The following HMGCS2 variants were observed in gnomAD, a reference collection of about 807,000 sequenced individuals.
HMGCS2 encodes hydroxymethylglutaryl-CoA synthase, mitochondrial.
Under a neutral mutation model 57.4 loss-of-function variants are expected in HMGCS2, and 50 were observed. That is an observed-to-expected ratio of 0.87 (90% CI 0.69 to 1.10). The LOEUF is 1.10. Among genes scored for constraint, HMGCS2 ranks in the 50% least tolerant of loss-of-function variants. HMGCS2 has a pLI of 0.00. For missense variants in HMGCS2, 627 were observed against 636.5 expected (o/e 0.99, Z 0.16); for synonymous variants, 254 against 245.1 (o/e 1.04, Z -0.34).
intron 4 of HMGCS2, among the ~76,000 whole-genome samples, chr1:119,758,431 T>G (rs905759106): frequency 6.6e-6 from 1 of 151,874 alleles, no homozygotes; most frequent in Non-Finnish European, 1.5e-5. Context: ...AGAGACAGGG[T>G]CTTGCTTTGT....
At chr1:119,757,479 G>T (rs1652887112) in intron 4 of HMGCS2, 41 bp from the exon 5 acceptor site, 2 of 1,613,820 alleles carry the variant, frequency 1.2e-6, no homozygotes, top group East Asian at 4.5e-5. Context: ...GGCATGAGGG[G>T]CGAGCCATTT....
In HMGCS2 at chr1:119,750,818, G is replaced by A. The variant is rs751754816; in HGVS notation, c.1511C>T (p.Ala504Val). 5 of 1,612,862 alleles carry A rather than the reference G, an allele frequency of 3.1e-6. No homozygotes were observed. The South Asian group carries it at 4.4e-5, about 14-fold the overall frequency. The change falls in exon 9 of 10, where the codon GCC becomes GTC. Residue 504 changes from alanine to valine, a missense_variant. Physicochemically the swap from Ala to Val is moderately conservative, Grantham distance 64 (BLOSUM62 0). Coordinates refer to ENST00000369406, the MANE Select transcript of HMGCS2 (RefSeq NM_005518.4). ...RVDEQHRRKY[A>V]RRPV ...TCACCACCTTTAGACGGGACGCCGG[G>A]CATACTTTCGGCGATGCTGCTCGTC...
At chr1:119,768,241 A>G (rs749597071) in intron 1 of HMGCS2, among the ~76,000 whole-genome samples, 6 of 152,226 alleles carry the variant, frequency 3.9e-5, no homozygotes, top group Admixed American at 1.3e-4. Flanking sequence ...TGCAAAGAGC[A>G]TGTACACATA....
intron 6 of HMGCS2, among the ~76,000 whole-genome samples, chr1:119,753,794 A>G (rs1652743075): frequency 6.6e-6 from 1 of 152,102 alleles, no homozygotes; most frequent in South Asian, 2.1e-4. Context: ...TTGATTGGTA[A>G]TGGTTCAGCA....
chr1:119,753,528 G>A (rs1652733929), intron 6 of HMGCS2, 142 bp from the exon 7 acceptor site: 8 of 641,710 alleles, frequency 1.2e-5, no homozygotes, highest in Non-Finnish European at 1.9e-5. Context: ...TCTACCTCAT[G>A]CAACTAGAAA....
At chr1:119,762,045 A>G (rs1653062796) in intron 2 of HMGCS2, among the ~76,000 whole-genome samples, 1 of 152,248 alleles carries the variant, frequency 6.6e-6, no homozygotes, top group African/African-American at 2.4e-5. Context: ...TTCTTACAAT[A>G]CAATGCCAAA....
chr1:119,751,844 A>G (rs1453436335), intron 8 of HMGCS2, among the ~76,000 whole-genome samples: 1 of 152,234 alleles, frequency 6.6e-6, no homozygotes, highest in Non-Finnish European at 1.5e-5. Flanking sequence ...ATGCTGCAAA[A>G]CAACATGCAT....
intron 2 of HMGCS2, among the ~76,000 whole-genome samples, chr1:119,763,352 T>C (rs1036649718): frequency 1.6e-4 from 25 of 152,352 alleles, no homozygotes; most frequent in African/African-American, 4.8e-4. Context: ...TTAGTAAATA[T>C]AGAGTGTCTT....
chr1:119,755,787 TA>T (rs1220906681), intron 5 of HMGCS2, among the ~76,000 whole-genome samples, 190 bp from the exon 6 acceptor site: 1 of 152,168 alleles, frequency 6.6e-6, no homozygotes, highest in African/African-American at 2.4e-5. Flanking sequence ...ACTTAGGGCT[TA>T]TTTTTCTGGT....
At chr1:119,751,365 C>CTTT (rs747069438) in intron 8 of HMGCS2, among the ~76,000 whole-genome samples, 80 of 140,066 alleles carry the variant, frequency 5.7e-4, no homozygotes, top group African/African-American at 1.8e-3. Context: ...TTCTTTTCTT[C>CTTT]TTTTTTTTTT....
At chr1:119,765,527 G>A (rs941701539) in intron 1 of HMGCS2, among the ~76,000 whole-genome samples, 6 of 151,920 alleles carry the variant, frequency 3.9e-5, no homozygotes, top group Non-Finnish European at 8.8e-5. Context: ...TTTTACTGGT[G>A]ACCTTAAAGA....
chr1:119,756,420 C>T lies in HMGCS2; in HGVS notation c.1017-823G>A, dbSNP rs761087811. 8.9e-4 allele frequency among the ~76,000 whole-genome samples: 135 copies of T among 151,900 alleles called. 1 individual carries two copies. Among genetic ancestry groups the T allele is most frequent in the Middle Eastern group, 6.8e-3 (2 of 294 alleles). ...TTGGTATATGTTATACTTTTTGTTT[C>T]GATAGGGCTGGTCTTACAAGCAGTG... On this transcript the variant is annotated intron_variant, in intron 5 of 9. Coordinates refer to ENST00000369406, the MANE Select transcript of HMGCS2 (RefSeq NM_005518.4).
Position 119,748,646 on chromosome 1 carries a change from G to A in HMGCS2, c.*201C>T, listed in dbSNP as rs1030291437. The A allele has an allele frequency of 1.3e-5, 2 of 152,156 alleles. No individual in the cohort carries two copies. Among genetic ancestry groups the A allele is most frequent in the South Asian group, 4.1e-4 (2 of 4,834 alleles). 9.4% of individuals were successfully genotyped at this position (152,156 alleles called of 1,614,324 possible). On this transcript the variant is annotated 3_prime_UTR_variant, in exon 10 of 10. Transcript: ENST00000369406. ...CTAGTCCATAGCACCATAAGCCCAGGACAGTGATTGCAGCATGGAGAGGAA... is the reference window on the plus strand; with the variant it reads ...CTAGTCCATAGCACCATAAGCCCAGAACAGTGATTGCAGCATGGAGAGGAA...
At chr1:119,768,611 A>G (rs1653317904) in intron 1 of HMGCS2, 130 bp downstream of exon 1, 1 of 717,106 alleles carries the variant, frequency 1.4e-6, no homozygotes, top group Non-Finnish European at 2.5e-6. Flanking sequence ...CTTTAAAGTT[A>G]ACTTGCTTGT....
intron 4 of HMGCS2, 112 bp downstream of exon 4, chr1:119,759,006 C>A: frequency 9.2e-7 from 1 of 1,083,162 alleles, no homozygotes; most frequent in Non-Finnish European, 1.4e-6. Context: ...GGAAACAATT[C>A]TCTTGACATT....
At chr1:119,761,597 C>T (rs1294116627) in intron 2 of HMGCS2, among the ~76,000 whole-genome samples, 1 of 151,998 alleles carries the variant, frequency 6.6e-6, no homozygotes, top group African/African-American at 2.4e-5. Flanking sequence ...AATCCCATCT[C>T]TACTAAAAAT....
intron 4 of HMGCS2, among the ~76,000 whole-genome samples, chr1:119,758,181 G>A (rs1025980425): frequency 1.3e-5 from 2 of 152,260 alleles, no homozygotes; most frequent in African/African-American, 4.8e-5. Flanking sequence ...TGCCTGAGCA[G>A]GCAAGAATAC....
rs371080450 is a variant in HMGCS2, at chr1:119,760,190, CTG to C, written c.560-203_560-202del. On this transcript the variant is annotated intron_variant, in intron 2 of 9. Coordinates refer to ENST00000369406, the MANE Select transcript of HMGCS2 (RefSeq NM_005518.4). ...AGTCAAAATTTAGTGTCCTGACACT[CTG>C]TAAAACGCTCATTTATTCAGAATTC... Among the ~76,000 whole-genome samples, 241 of 152,336 alleles carry C rather than the reference CTG, an allele frequency of 1.6e-3. 1 individual carries two copies. Among genetic ancestry groups the C allele is most frequent in the African/African-American group, 5.5e-3 (229 of 41,582 alleles).
chr1:119,754,014 C>T (rs1652749727), intron 6 of HMGCS2, among the ~76,000 whole-genome samples: 4 of 151,336 alleles, frequency 2.6e-5, no homozygotes, highest in African/African-American at 7.3e-5. Flanking sequence ...GATTCAGGAT[C>T]CTGAGTAGCT....
Sources: gnomAD v4.1 joint callset for allele counts (sites outside exome capture counted in the v4.1 genomes callset) on GRCh38, gnomAD v4.1.1 for gene constraint, MANE v1.5 for transcripts, NCBI Gene and HGNC (gene_info 2026-07-23, HGNC 2026-07-21) for gene names.